The following DENND2D variants were observed in gnomAD, a reference collection of about 807,000 sequenced individuals.
DENND2D encodes the protein DENN domain-containing protein 2D.
Under a neutral mutation model 59.8 loss-of-function variants are expected in DENND2D, and 37 were observed. The observed-to-expected ratio is 0.62, with a 90% CI of 0.48 to 0.81. DENND2D has a LOEUF of 0.81. Among genes scored for constraint, DENND2D ranks in the 40% least tolerant of loss-of-function variants. The probability of loss-of-function intolerance (pLI) is 0.00; values close to 1 mark genes in which losing one functional copy is unlikely to be tolerated. For synonymous variants in DENND2D, 219 were observed against 211.3 expected (o/e 1.04, Z -0.31); for missense variants, 525 against 579.7 (o/e 0.91, Z 0.97).
chr1:111,188,164 G>C lies in DENND2D; in HGVS notation c.1306C>G (p.Gln436Glu). Residue 436 changes from glutamine (Q) to glutamate (E), a missense_variant, in exon 11 of 12, where the codon CAG (glutamine) becomes GAG (glutamate). Physicochemically the swap from Gln to Glu is conservative, Grantham distance 29. This residue lies in a region of DENND2D where 225 missense variants were observed against 252.4 expected (regional missense o/e 0.89). Transcript: ENST00000357640. ...VKTQLFSLFI[Q>E]EAEKSKNPPA... ...GGATTCTTGCTCTTCTCGGCTTCCTGGATGAAAAGTGAGAAGAGCTGTGTC... is the reference window on the plus strand; with the variant it reads ...GGATTCTTGCTCTTCTCGGCTTCCTCGATGAAAAGTGAGAAGAGCTGTGTC... 1 of 1,614,186 alleles carries C rather than the reference G, an allele frequency of 6.2e-7. No homozygotes were observed. The highest frequency in any genetic ancestry group is 1.1e-5 in the South Asian group (1 of 91,084).
At chr1:111,189,118 A>G (rs1657492804) in intron 9 of DENND2D, 94 bp downstream of exon 9, 1 of 1,422,224 alleles carries the variant, frequency 7.0e-7, no homozygotes, top group Non-Finnish European at 9.9e-7. Flanking sequence ...TCAACAAAGA[A>G]CTTAAATGTT....
Position 111,187,503 on chromosome 1 carries a change from A to G in DENND2D, c.*102T>C, listed in dbSNP as rs925564499. On this transcript the variant is annotated 3_prime_UTR_variant, in exon 12 of 12. Coordinates refer to ENST00000357640, the MANE Select transcript of DENND2D (RefSeq NM_024901.5). ...GGATACCAAGACTCAGAGTGAGGAT[A>G]TGGATTTTGGGAGCTGACAGTTTTG... 5.5e-5 allele frequency: 49 copies of G among 889,526 alleles called. 1 individual carries two copies. Among genetic ancestry groups the G allele is most frequent in the Non-Finnish European group, 4.8e-5 (26 of 542,350 alleles). The allele number at this position is 889,526 out of a possible 1,614,324, so 55.1% of individuals were successfully genotyped here.
At chr1:111,196,209 C>T in intron 5 of DENND2D, 153 bp from the exon 6 acceptor site, 12 of 876,054 alleles carry the variant, frequency 1.4e-5, no homozygotes, top group Non-Finnish European at 2.0e-5. Flanking sequence ...CTGGTCCTCT[C>T]CCTCCCTGGC....
At chr1:111,195,720 G>A in intron 6 of DENND2D, 196 bp downstream of exon 6, 1 of 671,886 alleles carries the variant, frequency 1.5e-6, no homozygotes, top group Non-Finnish European at 2.5e-6. Flanking sequence ...GTAACTAGGT[G>A]CTTGTGGGTA....
At chr1:111,197,864 A>C in intron 4 of DENND2D, 56 bp downstream of exon 4, 1 of 1,610,830 alleles carries the variant, frequency 6.2e-7, no homozygotes, top group Non-Finnish European at 8.5e-7. Context: ...GAGCAAGCCC[A>C]GCCGTGGAGC....
rs778650499 is a variant in DENND2D at position 111,188,121 on chromosome 1, G to A, written c.1339+10C>T. On this transcript the variant is annotated intron_variant, in intron 11 of 11. Transcript: ENST00000357640. Reference sequence around the variant, plus strand: ...CTATGGGCTTAGACTGATGGGGACTGTTACTGTACCTGCAGGAGGATTCTT... The same window carrying A: ...CTATGGGCTTAGACTGATGGGGACTATTACTGTACCTGCAGGAGGATTCTT... The A allele has an allele frequency of 2.5e-6, 4 of 1,614,130 alleles. No homozygotes were observed. The South Asian group carries it at 4.4e-5, about 18-fold the overall frequency.
At chr1:111,190,174 A>ACCAAAACAAAACAAAAC (rs1553241787) in intron 8 of DENND2D, among the ~76,000 whole-genome samples, 1 of 148,754 alleles carries the variant, frequency 6.7e-6, no homozygotes, top group East Asian at 2.0e-4. Context: ...AAAAAAAAAA[A>ACCAAAACAAAACAAAAC]AAAAAAAAAC....
Position 111,197,190 on chromosome 1 carries a change from C to G in DENND2D, c.490G>C (p.Gly164Arg). Residue 164 changes from glycine (G) to arginine (R), a missense_variant, in exon 5 of 12, where the codon GGC (glycine) becomes CGC (arginine). Transcript: ENST00000357640. ...YCIISCIGCF[G>R]LFSKILDEVE... ...CCTATCCCTACCTTGGAGAACAAGC[C>G]GAAGCAGCCGATGCAGCTGATGATG... 3 of 1,613,416 alleles carry G rather than the reference C, an allele frequency of 1.9e-6. No homozygotes were observed. In the South Asian group the frequency reaches 3.3e-5, roughly 18 times the overall value.
At chr1:111,196,245 C>T in intron 5 of DENND2D, 189 bp from the exon 6 acceptor site, 1 of 598,808 alleles carries the variant, frequency 1.7e-6, no homozygotes, top group South Asian at 2.6e-5. Context: ...GCTAAATAAT[C>T]TGCAGTTTAT....
chr1:111,198,052 T>C (rs907766844), intron 3 of DENND2D, 63 bp from the exon 4 acceptor site: 2 of 1,549,520 alleles, frequency 1.3e-6, no homozygotes, highest in Non-Finnish European at 1.8e-6. Flanking sequence ...AGGAAAGTGG[T>C]CAGCACTAGA....
chr1:111,190,068 G>A (rs896468953), intron 8 of DENND2D, among the ~76,000 whole-genome samples: 32 of 151,088 alleles, frequency 2.1e-4, no homozygotes, highest in Non-Finnish European at 3.2e-4. Flanking sequence ...AGAGGCTGAG[G>A]CAGGAGAATG....
chr1:111,199,349 A>G (rs1176940485), intron 2 of DENND2D, among the ~76,000 whole-genome samples: 2 of 152,194 alleles, frequency 1.3e-5, no homozygotes, highest in African/African-American at 4.8e-5. Flanking sequence ...TGGAAGACCT[A>G]TCAGGTCCCC....
intron 7 of DENND2D, among the ~76,000 whole-genome samples, chr1:111,193,507 G>A (rs1012195042): frequency 1.3e-5 from 2 of 152,164 alleles, no homozygotes; most frequent in African/African-American, 2.4e-5. Flanking sequence ...CTCCCTTCAA[G>A]GATTACCTAC....
chr1:111,195,540 G>T, intron 6 of DENND2D: 1 of 225,422 alleles, frequency 4.4e-6, no homozygotes, highest in Non-Finnish European at 9.0e-6. Context: ...TGGATGATAA[G>T]AAATGGACAG....
chr1:111,203,093 G>A (rs539091865), upstream of DENND2D, among the ~76,000 whole-genome samples: 1 of 152,328 alleles, frequency 6.6e-6, no homozygotes, highest in Admixed American at 6.5e-5. Context: ...ACCACTGCAC[G>A]GTCCCAGGCC....
Position 111,200,559 on chromosome 1 carries a change from A to T in DENND2D, c.-100T>A. ...GGGGCTGCTTCGGTCTCCAGCCACA[A>T]CTCTGTGAAGCCAAGCCACGCGCTG... On this transcript the variant is annotated 5_prime_UTR_variant, in exon 1 of 12. The change creates a new upstream start codon in the 5' untranslated region. Coordinates refer to ENST00000357640, the MANE Select transcript of DENND2D (RefSeq NM_024901.5). The T allele has an allele frequency of 6.6e-7, 1 of 1,525,018 alleles. No individual in the cohort carries two copies. Among genetic ancestry groups the T allele is most frequent in the Non-Finnish European group, 8.8e-7 (1 of 1,131,314 alleles). The allele number at this position is 1,525,018 out of a possible 1,614,324, so 94.5% of individuals were successfully genotyped here. A position where few individuals can be genotyped will look rare whatever the true frequency, so the allele number is the denominator to read the frequency against.
At position 111,186,862 on chromosome 1, in the gene DENND2D, C is replaced by G. The variant is rs1657279156; in HGVS notation, c.*743G>C. Among the ~76,000 whole-genome samples, 1 of 152,146 alleles carries G rather than the reference C, an allele frequency of 6.6e-6. No individual in the cohort carries two copies. Among genetic ancestry groups the G allele is most frequent in the African/African-American group, 2.4e-5 (1 of 41,430 alleles). On this transcript the variant is annotated 3_prime_UTR_variant, in exon 12 of 12. Transcript: ENST00000357640. ...CACAGGCTGCTGTTGACTGAAATTC[C>G]TATCCTCAAATTACTCTAGACTGAA...
Position 111,194,708 on chromosome 1 carries a change from G to A in DENND2D, c.664C>T (p.Pro222Ser), listed in dbSNP as rs1465267167. 2 of 1,613,930 alleles carry A rather than the reference G, an allele frequency of 1.2e-6. No individual in the cohort carries two copies. Among genetic ancestry groups the A allele is most frequent in the Non-Finnish European group, 1.7e-6 (2 of 1,180,000 alleles). ...SGTEFISLTR[P>S]LDSHLEHVDF... ...ACATGTTCTAGGTGGGAGTCCAGGGGCCGTGTCAGTGAAATGAACTGTGGG... is the reference window on the plus strand; with the variant it reads ...ACATGTTCTAGGTGGGAGTCCAGGGACCGTGTCAGTGAAATGAACTGTGGG... Residue 222 changes from proline to serine, a missense_variant, in exon 7 of 12, where the codon CCC becomes TCC. Coordinates refer to ENST00000357640, the MANE Select transcript of DENND2D (RefSeq NM_024901.5).
At chr1:111,196,152 A>C in intron 5 of DENND2D, 96 bp from the exon 6 acceptor site, 49 of 1,447,484 alleles carry the variant, frequency 3.4e-5, no homozygotes, top group African/African-American at 4.3e-5. Flanking sequence ...TAATGTTCTC[A>C]TACTGGTTCA....
Sources: gnomAD v4.1 joint callset for allele counts (sites outside exome capture counted in the v4.1 genomes callset) on GRCh38, gnomAD v4.1.1 for gene constraint, gnomAD v4.1.1 regional missense constraint, MANE v1.5 for transcripts, NCBI Gene and HGNC (gene_info 2026-07-23, HGNC 2026-07-21) for gene names.